CRISPLD2: variants seen among roughly 807,000 people sequenced by gnomAD.
CRISPLD2 encodes cysteine rich secretory protein LCCL domain containing 2, also known as cysteine-rich secretory protein LCCL domain-containing 2.
CRISPLD2 carries 47 observed loss-of-function variants against 71.1 expected under a neutral mutation model. The ratio of observed to expected loss-of-function variants is 0.66; its 90% CI spans 0.52 to 0.84. The LOEUF (loss-of-function observed/expected upper bound fraction) is 0.84, where lower values mean the gene tolerates loss of function less well. Among genes scored for constraint, CRISPLD2 ranks in the 40% least tolerant of loss-of-function variants. The pLI, the probability that CRISPLD2 is intolerant of heterozygous loss-of-function variation, is 0.00. For synonymous variants in CRISPLD2, 317 were observed against 250.1 expected (o/e 1.27, Z -2.52); for missense variants, 830 against 651.1 (o/e 1.27, Z -2.99).
At chr16:84,874,811 G>A (rs143622342) in intron 11 of CRISPLD2, among the ~76,000 whole-genome samples, 37 of 152,200 alleles carry the variant, frequency 2.4e-4, no homozygotes, top group Admixed American at 4.6e-4. Flanking sequence ...GATAACCATC[G>A]TGAACACTTT....
At chr16:84,863,125 C>G (rs926510729) in intron 6 of CRISPLD2, 1 of 152,224 alleles carries the variant, frequency 6.6e-6, no homozygotes. Flanking sequence ...CCTGTCGTCT[C>G]AGCTGCCAGC....
chr16:84,859,610 C>A (rs761023748), intron 6 of CRISPLD2, among the ~76,000 whole-genome samples: 2 of 152,202 alleles, frequency 1.3e-5, no homozygotes, highest in Non-Finnish European at 2.9e-5. Context: ...CCGTGATTCT[C>A]TGTTTTTATA....
chr16:84,878,208 A>G (rs570537590), intron 12 of CRISPLD2, among the ~76,000 whole-genome samples: 1 of 151,724 alleles, frequency 6.6e-6, no homozygotes, highest in African/African-American at 2.4e-5. Context: ...TGGGTGACAG[A>G]GCGAGACTCC....
intron 14 of CRISPLD2, among the ~76,000 whole-genome samples, chr16:84,903,820 G>A (rs985597341): frequency 6.6e-6 from 1 of 152,160 alleles, no homozygotes; most frequent in African/African-American, 2.4e-5. Flanking sequence ...AACGAACAGG[G>A]AGGTGTTTGT....
At chr16:84,883,868 G>C (rs2071589235) in intron 13 of CRISPLD2, among the ~76,000 whole-genome samples, 1 of 148,894 alleles carries the variant, frequency 6.7e-6, no homozygotes, top group South Asian at 2.1e-4. Flanking sequence ...TTTTGAGACG[G>C]AGTCTTACTC....
intron 11 of CRISPLD2, among the ~76,000 whole-genome samples, chr16:84,876,057 T>G (rs1328914728): frequency 1.3e-5 from 2 of 152,228 alleles, no homozygotes; most frequent in Non-Finnish European, 2.9e-5. Flanking sequence ...GCCTATTGCC[T>G]GCTTTTGTAA....
intron 14 of CRISPLD2, among the ~76,000 whole-genome samples, chr16:84,904,474 C>T (rs1176275412): frequency 6.6e-6 from 1 of 152,006 alleles, no homozygotes; most frequent in Non-Finnish European, 1.5e-5. Context: ...ATCCCAGCTA[C>T]TTGGGAGGCT....
intron 14 of CRISPLD2, among the ~76,000 whole-genome samples, chr16:84,894,959 C>T (rs1179190928): frequency 6.6e-6 from 1 of 152,000 alleles, no homozygotes; most frequent in Non-Finnish European, 1.5e-5. Flanking sequence ...CTATCATTTC[C>T]AGATCTAAGG....
intron 3 of CRISPLD2, among the ~76,000 whole-genome samples, chr16:84,848,234 C>T (rs1465829667): frequency 6.6e-6 from 1 of 152,218 alleles, no homozygotes; most frequent in East Asian, 1.9e-4. Flanking sequence ...CTCCTGCCTC[C>T]TCACTGTGTG....
At position 84,873,093 on chromosome 16, in the gene CRISPLD2, G is replaced by T. The variant is rs916485878; in HGVS notation, c.1083G>T (p.Lys361Asn). The T allele has an allele frequency of 6.2e-7, 1 of 1,614,030 alleles. No individual in the cohort carries two copies. Among genetic ancestry groups the T allele is most frequent in the Non-Finnish European group, 8.5e-7 (1 of 1,179,954 alleles). Residue 361 changes from lysine to asparagine, a missense_variant, in exon 10 of 15, where the codon AAG (lysine) becomes AAT (asparagine). Transcript: ENST00000262424. ...ACGGGAAGGTCCCCTTCTTCGTGAAGTCTGAGAGACACGGCGTGCAGTCCC... is the reference window on the plus strand; with the variant it reads ...ACGGGAAGGTCCCCTTCTTCGTGAATTCTGAGAGACACGGCGTGCAGTCCC... ...TRNGKVPFFV[K>N]SERHGVQSLS... is the part of the protein sequence containing the mutation.
At chr16:84,893,423 T>A (rs910814022) in intron 14 of CRISPLD2, among the ~76,000 whole-genome samples, 1 of 152,226 alleles carries the variant, frequency 6.6e-6, no homozygotes, top group East Asian at 1.9e-4. Flanking sequence ...GTCAGGGATC[T>A]TCCAGGAATT....
At chr16:84,877,557 G>T (rs554206417) in intron 12 of CRISPLD2, 47 bp downstream of exon 12, 2 of 1,593,698 alleles carry the variant, frequency 1.3e-6, no homozygotes, top group African/African-American at 2.7e-5. Context: ...GATGTTAGAA[G>T]TAGCTTTTTA....
chr16:84,844,012 G>T (rs371015929), intron 2 of CRISPLD2, among the ~76,000 whole-genome samples: 103 of 152,242 alleles, frequency 6.8e-4, no homozygotes, highest in African/African-American at 2.4e-3. Flanking sequence ...CATCTGCTGT[G>T]TGCCCGGGGC....
At chr16:84,822,289 C>T (rs1226511832) in intron 1 of CRISPLD2, among the ~76,000 whole-genome samples, 1 of 152,198 alleles carries the variant, frequency 6.6e-6, no homozygotes, top group African/African-American at 2.4e-5. Flanking sequence ...AAGAAGACTG[C>T]GAGGTCTCTT....
intron 12 of CRISPLD2, among the ~76,000 whole-genome samples, chr16:84,879,155 G>A (rs112821984): frequency 8.0e-4 from 122 of 152,306 alleles, no homozygotes; most frequent in Non-Finnish European, 1.1e-3. Context: ...CCGCACCACC[G>A]TCTTGATCCC....
chr16:84,869,817 C>T (rs1182674883), intron 8 of CRISPLD2, among the ~76,000 whole-genome samples: 1 of 152,276 alleles, frequency 6.6e-6, no homozygotes, highest in Non-Finnish European at 1.5e-5. Context: ...ACGCATCTTT[C>T]TGAATGCTAA....
At chr16:84,833,181 T>G (rs765033169) in intron 1 of CRISPLD2, among the ~76,000 whole-genome samples, 3 of 152,202 alleles carry the variant, frequency 2.0e-5, no homozygotes, top group Non-Finnish European at 4.4e-5. Context: ...CTCAAAGCTC[T>G]GGGCAGCGCG....
At chr16:84,836,393 C>T (rs965247164) in intron 1 of CRISPLD2, 2 of 152,146 alleles carry the variant, frequency 1.3e-5, no homozygotes, top group Non-Finnish European at 2.9e-5. Flanking sequence ...GATCAGGGAT[C>T]CTGAGAAGTT....
At chr16:84,898,164 C>T (rs2071722936) in intron 14 of CRISPLD2, among the ~76,000 whole-genome samples, 1 of 152,176 alleles carries the variant, frequency 6.6e-6, no homozygotes, top group African/African-American at 2.4e-5. Flanking sequence ...ACTTTCTTGC[C>T]GATTTATTTA....
Sources: gnomAD v4.1 joint callset for allele counts (sites outside exome capture counted in the v4.1 genomes callset) on GRCh38, gnomAD v4.1.1 for gene constraint, MANE v1.5 for transcripts, NCBI Gene and HGNC (gene_info 2026-07-23, HGNC 2026-07-21) for gene names.